Variants in LINGO2 observed in about 807,000 individuals in gnomAD.
LINGO2 encodes leucine-rich repeat and immunoglobulin-like domain-containing nogo receptor-interacting protein 2.
In LINGO2, 14 loss-of-function variants were observed where a neutral mutation model predicts 30.6. That is an observed-to-expected ratio of 0.46 (90% CI 0.30 to 0.72). The LOEUF is 0.72. LINGO2 is among the 30% of genes least tolerant of loss of function. The pLI is 0.07. For missense variants in LINGO2, 729 were observed against 751.7 expected (o/e 0.97, Z 0.35); for synonymous variants, 317 against 288.5 (o/e 1.10, Z -1.00).
At chr9:29,075,710 C>T in the LINGO2 span, among the ~76,000 whole-genome samples, 6 of 151,806 alleles carry the variant, frequency 4.0e-5, no homozygotes, top group African/African-American at 1.5e-4. Flanking sequence ...TTGTATGCTT[C>T]GAAGAGACAA....
intron 2 of LINGO2, among the ~76,000 whole-genome samples, chr9:28,425,020 T>C (rs192730572): frequency 8.5e-5 from 13 of 152,120 alleles, no homozygotes; most frequent in Admixed American, 3.3e-4. Flanking sequence ...ATATTTAATG[T>C]CTCATGTACA....
At chr9:28,070,118 A>G (rs969710581) in intron 4 of LINGO2, among the ~76,000 whole-genome samples, 3 of 152,148 alleles carry the variant, frequency 2.0e-5, no homozygotes, top group Non-Finnish European at 4.4e-5. Flanking sequence ...GATACTCCAG[A>G]TCCTCTAACT....
intron 4 of LINGO2, among the ~76,000 whole-genome samples, chr9:28,030,764 T>C (rs751638399): frequency 6.6e-6 from 1 of 151,756 alleles, no homozygotes; most frequent in African/African-American, 2.4e-5. Flanking sequence ...GCACACTACA[T>C]TGTAGCTTAA....
rs191646386 is a variant in LINGO2, at chr9:28,261,276, G to A, written c.-87+33932C>T. 8.0e-4 allele frequency among the ~76,000 whole-genome samples: 121 copies of A among 151,972 alleles called. 4 individuals carry two copies. The South Asian group carries it at 0.016, about 20-fold the overall frequency. On this transcript the variant is annotated intron_variant, in intron 4 of 5. Coordinates refer to ENST00000379992, the Ensembl canonical transcript of LINGO2. Reference sequence around the variant, plus strand: ...GAATTAAAAAATATCTAAATTAGAAGGGACTTTAAAATCTTTAGGCAAAGA... The same window carrying A: ...GAATTAAAAAATATCTAAATTAGAAAGGACTTTAAAATCTTTAGGCAAAGA...
intron 4 of LINGO2, among the ~76,000 whole-genome samples, chr9:28,174,002 A>G (rs932711342): frequency 5.9e-5 from 9 of 152,206 alleles, no homozygotes; most frequent in African/African-American, 1.7e-4. Flanking sequence ...TCTATGTTAT[A>G]TAAAGTTGAG....
In LINGO2 at chr9:28,225,607, C is replaced by T. The variant is rs145613921; in HGVS notation, c.-87+69601G>A. Among the ~76,000 whole-genome samples, 348 of 151,876 alleles carry T rather than the reference C, an allele frequency of 2.3e-3. 2 individuals are homozygous for T. The highest frequency in any genetic ancestry group is 7.9e-3 in the African/African-American group (326 of 41,462). On this transcript the variant is annotated intron_variant, in intron 4 of 5. Coordinates refer to ENST00000379992, the Ensembl canonical transcript of LINGO2. ...TAGATTGAAACACTAACAAATATTTCAATAAATATAATGAACAAAATATAA... is the reference window on the plus strand; with the variant it reads ...TAGATTGAAACACTAACAAATATTTTAATAAATATAATGAACAAAATATAA...
the LINGO2 span, among the ~76,000 whole-genome samples, chr9:28,705,767 T>C: frequency 1.3e-5 from 2 of 152,138 alleles, no homozygotes; most frequent in Non-Finnish European, 2.9e-5. Flanking sequence ...CAGCAGTTTG[T>C]CAATTACATC....
At chr9:28,035,106 A>G (rs565204478) in intron 4 of LINGO2, among the ~76,000 whole-genome samples, 25 of 152,356 alleles carry the variant, frequency 1.6e-4, no homozygotes, top group African/African-American at 5.5e-4. Context: ...ATTATGCATT[A>G]GCTTGCAGCA....
At chr9:28,749,494 T>G in the LINGO2 span, among the ~76,000 whole-genome samples, 25 of 152,068 alleles carry the variant, frequency 1.6e-4, no homozygotes. Flanking sequence ...AATTGCTCAT[T>G]TATAAGTCAA....
At chr9:28,858,970 C>T in the LINGO2 span, among the ~76,000 whole-genome samples, 3 of 55,580 alleles carry the variant, frequency 5.4e-5, no homozygotes, top group African/African-American at 7.5e-5. Context: ...GCAGGCAGAT[C>T]GTTATGTCAT....
At chr9:28,446,101 C>G (rs780757516) in intron 2 of LINGO2, among the ~76,000 whole-genome samples, 4 of 152,024 alleles carry the variant, frequency 2.6e-5, no homozygotes, top group Non-Finnish European at 4.4e-5. Context: ...TTCTTTCATT[C>G]AAGGATCCTA....
At chr9:28,693,932 G>A in the LINGO2 span, among the ~76,000 whole-genome samples, 1 of 151,970 alleles carries the variant, frequency 6.6e-6, no homozygotes, top group African/African-American at 2.4e-5. Context: ...AGAAGGTGGT[G>A]CTTATCCAAT....
intron 4 of LINGO2, among the ~76,000 whole-genome samples, chr9:28,160,675 T>C (rs1587111765): frequency 6.6e-6 from 1 of 152,202 alleles, no homozygotes; most frequent in Non-Finnish European, 1.5e-5. Flanking sequence ...TATTTAATAA[T>C]AGCTTCTAAA....
chr9:28,470,542 CT>C (rs1252267950), intron 2 of LINGO2, among the ~76,000 whole-genome samples: 1 of 152,104 alleles, frequency 6.6e-6, no homozygotes, highest in Non-Finnish European at 1.5e-5. Flanking sequence ...TCATGCTGCC[CT>C]CCTGGATCAT....
At chr9:28,703,173 G>C in the LINGO2 span, among the ~76,000 whole-genome samples, 1 of 150,578 alleles carries the variant, frequency 6.6e-6, no homozygotes, top group Non-Finnish European at 1.5e-5. Flanking sequence ...GCATTTAATT[G>C]CTCTTCTTTT....
the LINGO2 span, among the ~76,000 whole-genome samples, chr9:28,727,656 C>A: frequency 1.3e-5 from 2 of 152,116 alleles, no homozygotes; most frequent in Non-Finnish European, 2.9e-5. Context: ...AAACAGTCAA[C>A]TGGGTACTGA....
the LINGO2 span, among the ~76,000 whole-genome samples, chr9:28,957,280 C>T: frequency 6.6e-6 from 1 of 152,094 alleles, no homozygotes; most frequent in Non-Finnish European, 1.5e-5. Context: ...TTGAAAAGAT[C>T]AGGAAATTAA....
chr9:28,660,310 A>G (rs1290419502), intron 1 of LINGO2, among the ~76,000 whole-genome samples: 1 of 152,124 alleles, frequency 6.6e-6, no homozygotes, highest in Non-Finnish European at 1.5e-5. Context: ...GAATGAGAAT[A>G]ATTAATTCAA....
intron 1 of LINGO2, among the ~76,000 whole-genome samples, chr9:28,668,603 T>C (rs1334746768): frequency 6.6e-6 from 1 of 151,816 alleles, no homozygotes; most frequent in Non-Finnish European, 1.5e-5. Flanking sequence ...ACAACTAGTG[T>C]CCATTGGGTT....
Sources: gnomAD v4.1 joint callset for allele counts (sites outside exome capture counted in the v4.1 genomes callset) on GRCh38, gnomAD v4.1.1 for gene constraint, MANE v1.5 for transcripts, NCBI Gene and HGNC (gene_info 2026-07-23, HGNC 2026-07-21) for gene names.